Variants in CAMKMT observed in about 807,000 individuals in gnomAD.
CAMKMT encodes CaM KMT.
Under a neutral mutation model 48.0 loss-of-function variants are expected in CAMKMT, and 53 were observed. The observed-to-expected ratio is 1.10, with a 90% CI of 0.89 to 1.39. CAMKMT has a LOEUF of 1.39. Ranked by LOEUF, CAMKMT falls within the 40% of genes most tolerant of loss-of-function variation. CAMKMT has a pLI of 0.00. For missense variants in CAMKMT, 428 were observed against 402.7 expected (o/e 1.06, Z -0.54); for synonymous variants, 165 against 152.3 (o/e 1.08, Z -0.61).
At chr2:44,601,638 C>A (rs887367446) in intron 3 of CAMKMT, among the ~76,000 whole-genome samples, 1 of 151,870 alleles carries the variant, frequency 6.6e-6, no homozygotes, top group Non-Finnish European at 1.5e-5. Context: ...TCAAATAATT[C>A]CATATAGGTA....
intron 3 of CAMKMT, among the ~76,000 whole-genome samples, chr2:44,682,281 C>G (rs1676065206): frequency 6.6e-6 from 1 of 152,130 alleles, no homozygotes; most frequent in Admixed American, 6.5e-5. Flanking sequence ...TCAACTTTTC[C>G]TAGTGGAATC....
intron 3 of CAMKMT, among the ~76,000 whole-genome samples, chr2:44,482,130 G>A (rs969861121): frequency 2.6e-5 from 4 of 152,052 alleles, no homozygotes; most frequent in African/African-American, 9.7e-5. Context: ...ATAATAGACT[G>A]ATAGGGAAAG....
At chr2:44,617,360 A>G (rs188381828) in intron 3 of CAMKMT, among the ~76,000 whole-genome samples, 1 of 152,212 alleles carries the variant, frequency 6.6e-6, no homozygotes, top group Non-Finnish European at 1.5e-5. Flanking sequence ...TGAATTGCCA[A>G]CAAAATGCAT....
At chr2:44,382,822 C>G (rs953348807) in intron 2 of CAMKMT, among the ~76,000 whole-genome samples, 1 of 152,186 alleles carries the variant, frequency 6.6e-6, no homozygotes, top group African/African-American at 2.4e-5. Context: ...AGGACTGGGC[C>G]TCTGTGGCAG....
chr2:44,584,153 T>C (rs1331842204), intron 3 of CAMKMT, among the ~76,000 whole-genome samples: 2 of 152,236 alleles, frequency 1.3e-5, no homozygotes, highest in African/African-American at 4.8e-5. Flanking sequence ...CTCAGCCTGA[T>C]GTTTCTGAGA....
At chr2:44,476,914 C>A (rs1287211472) in intron 3 of CAMKMT, among the ~76,000 whole-genome samples, 2 of 152,050 alleles carry the variant, frequency 1.3e-5, no homozygotes, top group Non-Finnish European at 2.9e-5. Flanking sequence ...ATGGTGGGTG[C>A]TATATCCCAG....
rs1681154503 is a variant in CAMKMT, at chr2:44,772,410, A to G, written c.*297A>G. The G allele has an allele frequency of 4.0e-6, 1 of 251,980 alleles. No homozygotes were observed. Among genetic ancestry groups the G allele is most frequent in the South Asian group, 1.7e-4 (1 of 5,860 alleles). 15.6% of individuals were successfully genotyped at this position (251,980 alleles called of 1,614,324 possible). ...AATTTGACTGGTGAACAAACTAAAT[A>G]TTTTTCCCTGTAATTGAGACAGAAT... is the stretch of plus-strand genomic sequence containing the variant. On this transcript the variant is annotated 3_prime_UTR_variant, in exon 11 of 11. Transcript: ENST00000378494.
chr2:44,488,065 A>G (rs1308252127), intron 3 of CAMKMT, among the ~76,000 whole-genome samples: 1 of 152,250 alleles, frequency 6.6e-6, no homozygotes, highest in African/African-American at 2.4e-5. Flanking sequence ...TAAATGAGAT[A>G]TAGTTTAGAC....
chr2:44,765,622 GT>G, intron 9 of CAMKMT, among the ~76,000 whole-genome samples: 1 of 152,096 alleles, frequency 6.6e-6, no homozygotes, highest in East Asian at 1.9e-4. Context: ...TTAGCAAATG[GT>G]CATTGTGAAG....
chr2:44,608,070 C>CT (rs10587945), intron 3 of CAMKMT, among the ~76,000 whole-genome samples: 1,638 of 111,920 alleles, frequency 0.015, 37 homozygotes, highest in African/African-American at 0.028. Context: ...ATATATTTTC[C>CT]TTTTTTTTTT....
chr2:44,627,665 C>T (rs1380165930), intron 3 of CAMKMT, among the ~76,000 whole-genome samples: 1 of 138,596 alleles, frequency 7.2e-6, no homozygotes. Context: ...AACTTATTAG[C>T]ATAAACTTAT....
chr2:44,482,927 A>G (rs1669043586), intron 3 of CAMKMT, among the ~76,000 whole-genome samples: 1 of 152,154 alleles, frequency 6.6e-6, no homozygotes, highest in Non-Finnish European at 1.5e-5. Flanking sequence ...AGCCATGGGC[A>G]TGTACAATCA....
chr2:44,410,072 A>G (rs1399505661), intron 3 of CAMKMT, among the ~76,000 whole-genome samples: 1 of 151,676 alleles, frequency 6.6e-6, no homozygotes, highest in Non-Finnish European at 1.5e-5. Context: ...TTCTTTATGT[A>G]GCATGGTTTT....
intron 3 of CAMKMT, among the ~76,000 whole-genome samples, chr2:44,490,865 T>C (rs1669464447): frequency 6.6e-6 from 1 of 151,970 alleles, no homozygotes; most frequent in South Asian, 2.1e-4. Flanking sequence ...GATAAGCAAA[T>C]GTGGCCAGGT....
At chr2:44,706,029 A>AT (rs1322589026) in intron 4 of CAMKMT, among the ~76,000 whole-genome samples, 3 of 152,106 alleles carry the variant, frequency 2.0e-5, no homozygotes, top group African/African-American at 7.2e-5. Context: ...ACCTTCTCAG[A>AT]TTTTTCAGCT....
chr2:44,474,536 G>A (rs984350075), intron 3 of CAMKMT, among the ~76,000 whole-genome samples: 6 of 151,906 alleles, frequency 3.9e-5, no homozygotes, highest in Non-Finnish European at 8.8e-5. Context: ...GAGGGAGAGC[G>A]AAATGCTAAT....
intron 1 of CAMKMT, among the ~76,000 whole-genome samples, chr2:44,367,925 G>A (rs1678778107): frequency 6.6e-6 from 1 of 152,148 alleles, no homozygotes; most frequent in African/African-American, 2.4e-5. Flanking sequence ...CTACCCATCT[G>A]GTCTTCATAA....
intron 3 of CAMKMT, chr2:44,394,990 C>G (rs974935190): frequency 6.7e-6 from 3 of 446,306 alleles, no homozygotes; most frequent in Non-Finnish European, 1.3e-5. Context: ...AAGACTTTTC[C>G]TGTAAAAAAA....
intron 2 of CAMKMT, among the ~76,000 whole-genome samples, chr2:44,378,499 T>A (rs887899774): frequency 6.6e-6 from 1 of 151,822 alleles, no homozygotes; most frequent in African/African-American, 2.4e-5. Context: ...TTTGTTTGTT[T>A]GTTTGTTTGT....
Sources: gnomAD v4.1 joint callset for allele counts (sites outside exome capture counted in the v4.1 genomes callset) on GRCh38, gnomAD v4.1.1 for gene constraint, MANE v1.5 for transcripts, NCBI Gene and HGNC (gene_info 2026-07-23, HGNC 2026-07-21) for gene names.